NAALADL2: variants seen among roughly 807,000 people sequenced by gnomAD.
NAALADL2 encodes the protein N-acetylated alpha-linked acidic dipeptidase like 2.
NAALADL2 carries 76 observed loss-of-function variants against 87.2 expected under a neutral mutation model. The observed-to-expected ratio is 0.87, with a 90% CI of 0.72 to 1.05. The LOEUF is 1.05. NAALADL2 is among the 50% of genes least tolerant of loss of function. The pLI is 0.00. For missense variants in NAALADL2, 1,089 were observed against 945.8 expected (o/e 1.15, Z -1.99); for synonymous variants, 354 against 331.0 (o/e 1.07, Z -0.75).
At position 174,859,450 on chromosome 3, in the gene NAALADL2, G is replaced by A. The variant is rs771459861; in HGVS notation, c.43G>A (p.Gly15Ser). ...EASLPNTSLQ[G>S]KKMAYQKVHA... ...AAGTTTACCTAACACGTCTTTGCAA[G>A]GTAAGTACCAACAGCCTATGAACTT... The change falls in exon 1 of 14, where the codon GGT becomes AGT. Residue 15 changes from glycine to serine, a missense_variant and splice_region_variant. Transcript: ENST00000454872. The A allele has an allele frequency of 8.1e-6, 13 of 1,609,626 alleles. No individual in the cohort carries two copies. Among genetic ancestry groups the A allele is most frequent in the Non-Finnish European group, 1.1e-5 (13 of 1,177,172 alleles).
chr3:175,131,956 G>A (rs1333148329), intron 2 of NAALADL2, among the ~76,000 whole-genome samples: 8 of 114,700 alleles, frequency 7.0e-5, no homozygotes, highest in Admixed American at 1.7e-4. Flanking sequence ...GGGCAGAGGC[G>A]CCCCTCACCT....
intron 10 of NAALADL2, among the ~76,000 whole-genome samples, chr3:175,600,783 C>T (rs561441589): frequency 6.1e-4 from 93 of 151,930 alleles, no homozygotes; most frequent in Middle Eastern, 3.4e-3. Flanking sequence ...GTGATCCGCC[C>T]GCCTCGGCCT....
At chr3:175,291,927 C>T (rs1325420359) in intron 4 of NAALADL2, among the ~76,000 whole-genome samples, 1 of 152,136 alleles carries the variant, frequency 6.6e-6, no homozygotes, top group African/African-American at 2.4e-5. Context: ...AATAATGGTT[C>T]ATTTAGCCAT....
intron 3 of NAALADL2, among the ~76,000 whole-genome samples, chr3:174,839,731 A>G (rs1385523612): frequency 2.6e-5 from 4 of 152,196 alleles, no homozygotes; most frequent in African/African-American, 9.6e-5. Context: ...AATGGCCATC[A>G]AACATGAAAA....
At chr3:175,597,475 A>C (rs78928644) in intron 10 of NAALADL2, among the ~76,000 whole-genome samples, 1 of 151,984 alleles carries the variant, frequency 6.6e-6, no homozygotes, top group African/African-American at 2.4e-5. Context: ...ACTGGATTGT[A>C]ACCTTTTATA....
rs539468852 is a variant in NAALADL2, at chr3:175,143,298, A to G, written c.545+46007A>G. On this transcript the variant is annotated intron_variant, in intron 2 of 13. Coordinates refer to ENST00000454872, the MANE Select transcript of NAALADL2 (RefSeq NM_207015.3). Reference sequence around the variant, plus strand: ...CCTAAATATTCAGCTTTGTTAATTCATGCAAAGATAAATTGCAGTGATATA... The same window carrying G: ...CCTAAATATTCAGCTTTGTTAATTCGTGCAAAGATAAATTGCAGTGATATA... Among the ~76,000 whole-genome samples the G allele has an allele frequency of 2.0e-5, 3 of 152,098 alleles. No individual in the cohort carries two copies. The South Asian group carries it at 6.2e-4, about 31-fold the overall frequency.
intron 3 of NAALADL2, among the ~76,000 whole-genome samples, chr3:175,252,247 C>T (rs1230970542): frequency 6.6e-6 from 1 of 152,150 alleles, no homozygotes; most frequent in Non-Finnish European, 1.5e-5. Flanking sequence ...TTTTTTTCAG[C>T]ACCTGTGCTC....
At chr3:175,572,057 G>A (rs1229209035) in intron 9 of NAALADL2, among the ~76,000 whole-genome samples, 1 of 152,072 alleles carries the variant, frequency 6.6e-6, no homozygotes, top group Non-Finnish European at 1.5e-5. Context: ...GTGGGGGAAT[G>A]GTGAGTTAAG....
intron 2 of NAALADL2, among the ~76,000 whole-genome samples, chr3:174,717,616 T>C (rs1024560698): frequency 1.3e-5 from 2 of 152,162 alleles, no homozygotes; most frequent in Non-Finnish European, 2.9e-5. Flanking sequence ...AGTCTCAGTA[T>C]AGTAATTACA....
chr3:175,107,781 A>T (rs781590533), intron 2 of NAALADL2, among the ~76,000 whole-genome samples: 1 of 151,396 alleles, frequency 6.6e-6, no homozygotes, highest in Non-Finnish European at 1.5e-5. Flanking sequence ...ATGTGGTAAT[A>T]TTAAGTCTAT....
chr3:175,433,517 A>T (rs146749249), intron 5 of NAALADL2, among the ~76,000 whole-genome samples: 168 of 152,142 alleles, frequency 1.1e-3, no homozygotes, highest in Non-Finnish European at 2.2e-3. Flanking sequence ...ACCCTAGCTT[A>T]TTAACAGGAC....
At chr3:174,805,030 T>C (rs146078442) in intron 3 of NAALADL2, among the ~76,000 whole-genome samples, 1 of 152,268 alleles carries the variant, frequency 6.6e-6, no homozygotes, top group African/African-American at 2.4e-5. Context: ...TAATCAGAGT[T>C]TTCTTGTCAT....
At position 175,145,516 on chromosome 3, in the gene NAALADL2, T is replaced by A. The variant is rs529419906; in HGVS notation, c.545+48225T>A. On this transcript the variant is annotated intron_variant, in intron 2 of 13. Transcript: ENST00000454872. ...GAAACTTATCGGAAAGAAAATGTATTTTTTTTCTTCTTTCATTTGACCTTT... is the reference window on the plus strand; with the variant it reads ...GAAACTTATCGGAAAGAAAATGTATATTTTTTCTTCTTTCATTTGACCTTT... Among the ~76,000 whole-genome samples the A allele has an allele frequency of 2.6e-5, 4 of 152,184 alleles. No individual in the cohort carries two copies. In the South Asian group the frequency reaches 8.3e-4, roughly 32 times the overall value.
intron 11 of NAALADL2, among the ~76,000 whole-genome samples, chr3:175,722,033 C>T (rs966266007): frequency 2.0e-5 from 3 of 152,066 alleles, no homozygotes; most frequent in Non-Finnish European, 2.9e-5. Context: ...TACCCACACA[C>T]CATCAATTTG....
rs138695044 is a variant in NAALADL2, at chr3:175,409,689, C to A, written c.1091-37540C>A. 2.0e-5 allele frequency among the ~76,000 whole-genome samples: 3 copies of A among 151,422 alleles called. No individual in the cohort carries two copies. In the East Asian group the frequency reaches 5.8e-4, roughly 29 times the overall value. Reference sequence around the variant, plus strand: ...TGTAAATTCATTAATTTAGGTAGTTCAACATTTTTCAGTTATTAAAAAAAG... The same window carrying A: ...TGTAAATTCATTAATTTAGGTAGTTAAACATTTTTCAGTTATTAAAAAAAG... On this transcript the variant is annotated intron_variant, in intron 5 of 13. Coordinates refer to ENST00000454872, the MANE Select transcript of NAALADL2 (RefSeq NM_207015.3).
chr3:174,947,860 G>A (rs888128409), intron 1 of NAALADL2, among the ~76,000 whole-genome samples: 1 of 151,920 alleles, frequency 6.6e-6, no homozygotes, highest in African/African-American at 2.4e-5. Flanking sequence ...CTTGCACTGA[G>A]CTTTATTTTC....
At chr3:174,778,402 G>A (rs1416738899) in intron 3 of NAALADL2, among the ~76,000 whole-genome samples, 1 of 152,068 alleles carries the variant, frequency 6.6e-6, no homozygotes, top group Non-Finnish European at 1.5e-5. Flanking sequence ...GTTCAACTTT[G>A]AAAGAGGGAT....
intron 2 of NAALADL2, among the ~76,000 whole-genome samples, chr3:175,179,376 G>A (rs979285414): frequency 6.6e-6 from 1 of 151,928 alleles, no homozygotes; most frequent in Non-Finnish European, 1.5e-5. Flanking sequence ...GTTAGAGACA[G>A]GATAGAGAGG....
Position 175,671,358 on chromosome 3 carries a change from A to G in NAALADL2, c.1896+43972A>G, listed in dbSNP as rs995601201. Among the ~76,000 whole-genome samples the G allele has an allele frequency of 1.1e-4, 16 of 151,966 alleles. 1 individual carries two copies. Among genetic ancestry groups the G allele is most frequent in the Non-Finnish European group, 2.4e-4 (16 of 67,876 alleles). On this transcript the variant is annotated intron_variant, in intron 11 of 13. Transcript: ENST00000454872. ...AAAAAAGTTCATGGTTGCTGCAGCA[A>G]TGGCATGTATTTTATAAACAACCCA...
Sources: gnomAD v4.1 joint callset for allele counts (sites outside exome capture counted in the v4.1 genomes callset) on GRCh38, gnomAD v4.1.1 for gene constraint, MANE v1.5 for transcripts, NCBI Gene and HGNC (gene_info 2026-07-23, HGNC 2026-07-21) for gene names.